The following ADCY5 variants were observed in gnomAD, a reference collection of about 807,000 sequenced individuals.
The protein encoded by ADCY5 is adenylate cyclase type 5.
In ADCY5, 30 loss-of-function variants were observed where a neutral mutation model predicts 119.7. The ratio of observed to expected loss-of-function variants is 0.25; its 90% CI spans 0.19 to 0.34. The LOEUF (loss-of-function observed/expected upper bound fraction) is 0.34, where lower values mean the gene tolerates loss of function less well. Among genes scored for constraint, ADCY5 ranks in the 10% least tolerant of loss-of-function variants. The pLI, the probability that ADCY5 is intolerant of heterozygous loss-of-function variation, is 1.00. For synonymous variants in ADCY5, 753 were observed against 762.2 expected (o/e 0.99, Z 0.20); for missense variants, 1,324 against 1,775.2 (o/e 0.75, Z 4.57).
chr3:123,445,290 C>T (rs1189861047), intron 1 of ADCY5, among the ~76,000 whole-genome samples: 1 of 152,134 alleles, frequency 6.6e-6, no homozygotes, highest in South Asian at 2.1e-4. Flanking sequence ...GTCAGTCAGA[C>T]AGACACTCTG....
chr3:123,411,588 T>C (rs935358536), intron 1 of ADCY5, among the ~76,000 whole-genome samples: 9 of 152,070 alleles, frequency 5.9e-5, no homozygotes, highest in South Asian at 2.1e-4. Context: ...CTGCCTCTTA[T>C]CCCCAACCCC....
chr3:123,349,948 C>A (rs1229907829), intron 2 of ADCY5, among the ~76,000 whole-genome samples: 1 of 152,360 alleles, frequency 6.6e-6, no homozygotes, highest in East Asian at 1.9e-4. Context: ...TCAGCCCACG[C>A]CCACAGCCTG....
At chr3:123,386,701 G>A (rs60088212) in intron 1 of ADCY5, among the ~76,000 whole-genome samples, 72,402 of 151,708 alleles carry the variant, frequency 0.48, 18,071 homozygotes, top group East Asian at 0.68. Context: ...GCAGTTTCAA[G>A]GACGTCCAGG....
chr3:123,396,727 G>GGAAGGAAGGA (rs1944587413), intron 1 of ADCY5, among the ~76,000 whole-genome samples: 9 of 45,602 alleles, frequency 2.0e-4, no homozygotes, highest in African/African-American at 6.5e-4. Flanking sequence ...AGAAGGGAGG[G>GGAAGGAAGGA]AGGAAGGAAG....
At chr3:123,418,549 T>A (rs991936887) in intron 1 of ADCY5, among the ~76,000 whole-genome samples, 1 of 152,098 alleles carries the variant, frequency 6.6e-6, no homozygotes. Context: ...GAACAAAACC[T>A]ATGGGCGCCC....
chr3:123,308,293 T>A (rs1192905604), intron 12 of ADCY5, among the ~76,000 whole-genome samples: 4 of 151,598 alleles, frequency 2.6e-5, no homozygotes, highest in Non-Finnish European at 4.4e-5. Flanking sequence ...CGCCTCAGCC[T>A]CCCAAAGTGC....
intron 1 of ADCY5, among the ~76,000 whole-genome samples, chr3:123,419,452 T>C (rs1226684213): frequency 6.6e-6 from 1 of 152,126 alleles, no homozygotes; most frequent in Non-Finnish European, 1.5e-5. Context: ...TTGCCAGACT[T>C]GCATCAGCCT....
chr3:123,322,733 T>C (rs780355525), intron 8 of ADCY5, among the ~76,000 whole-genome samples: 1 of 152,186 alleles, frequency 6.6e-6, no homozygotes, highest in African/African-American at 2.4e-5. Context: ...TGGCAACCTT[T>C]TTATTAATAA....
Position 123,447,636 on chromosome 3 carries a change from C to A in ADCY5, c.910G>T (p.Ala304Ser), listed in dbSNP as rs138488088. 2.5e-6 allele frequency: 4 copies of A among 1,608,850 alleles called. No individual in the cohort carries two copies. The highest frequency in any genetic ancestry group is 3.4e-6 in the Non-Finnish European group (4 of 1,178,404). ...ACGGCCAGCACCACGGCGATGAGCG[C>A]ATAGCAGGCCAGGCCCATGTGGTCC... ...HQDHMGLACY[A>S]LIAVVLAVQV... The change falls in exon 1 of 21, where the codon GCG becomes TCG. Residue 304 changes from alanine to serine, a missense_variant. Physicochemically the swap from Ala to Ser is moderately conservative, Grantham distance 99 (BLOSUM62 1). Transcript: ENST00000462833.
chr3:123,400,076 T>C (rs1458487419), intron 1 of ADCY5, among the ~76,000 whole-genome samples: 3 of 152,168 alleles, frequency 2.0e-5, no homozygotes, highest in Non-Finnish European at 4.4e-5. Flanking sequence ...AAGAATTGTC[T>C]CTGCAATAGG....
At chr3:123,393,804 G>T (rs1576659989) in intron 1 of ADCY5, among the ~76,000 whole-genome samples, 1 of 146,104 alleles carries the variant, frequency 6.8e-6, no homozygotes, top group African/African-American at 2.5e-5. Context: ...CGCCCCGGCT[G>T]CTGAGGACCC....
chr3:123,343,923 G>T (rs572867821), intron 3 of ADCY5, among the ~76,000 whole-genome samples: 1 of 152,200 alleles, frequency 6.6e-6, no homozygotes, highest in Non-Finnish European at 1.5e-5. Context: ...AGTGTCTCCG[G>T]GGTCTCCAGG....
rs1404797318 is a variant in ADCY5, at chr3:123,322,950, G to A, written c.2089-2179C>T. Among the ~76,000 whole-genome samples, 5 of 152,162 alleles carry A rather than the reference G, an allele frequency of 3.3e-5. No individual in the cohort carries two copies. The East Asian group carries it at 5.8e-4, about 18-fold the overall frequency. ...CTGTTTCTCATAAAACTCATCCAGC[G>A]TGGGCAGCTCAGGGTGAAAGCTCGC... On this transcript the variant is annotated intron_variant, in intron 8 of 20. Coordinates refer to ENST00000462833, the MANE Select transcript of ADCY5 (RefSeq NM_183357.3).
chr3:123,389,724 C>T (rs1421583513), intron 1 of ADCY5, among the ~76,000 whole-genome samples: 1 of 152,174 alleles, frequency 6.6e-6, no homozygotes, highest in African/African-American at 2.4e-5. Context: ...TCGCTGACCA[C>T]AGGGTCAGTC....
chr3:123,357,176 T>C (rs1183214930), intron 1 of ADCY5, among the ~76,000 whole-genome samples: 1 of 152,064 alleles, frequency 6.6e-6, no homozygotes, highest in Non-Finnish European at 1.5e-5. Context: ...CTGTATGCAT[T>C]TGTTACACCT....
At chr3:123,440,712 T>A (rs1453709435) in intron 1 of ADCY5, among the ~76,000 whole-genome samples, 1 of 152,136 alleles carries the variant, frequency 6.6e-6, no homozygotes, top group Non-Finnish European at 1.5e-5. Context: ...TAGGTTTTCA[T>A]ACCCACTCAC....
intron 12 of ADCY5, among the ~76,000 whole-genome samples, chr3:123,305,455 C>T (rs550622120): frequency 2.4e-4 from 37 of 152,288 alleles, no homozygotes; most frequent in Admixed American, 1.3e-3. Flanking sequence ...AAAAAAGTGT[C>T]GGGCCCTTGG....
intron 11 of ADCY5, among the ~76,000 whole-genome samples, chr3:123,317,726 C>T (rs1470694202): frequency 6.7e-6 from 1 of 148,726 alleles, no homozygotes; most frequent in Non-Finnish European, 1.5e-5. Context: ...CAGAGCGAGA[C>T]GCTGTGTCCC....
chr3:123,331,739 T>A (rs544521253), intron 4 of ADCY5, among the ~76,000 whole-genome samples: 27 of 150,554 alleles, frequency 1.8e-4, no homozygotes, highest in African/African-American at 6.5e-4. Context: ...GGGATTCAAG[T>A]GCCCTTGTGG....
Sources: gnomAD v4.1 joint callset for allele counts (sites outside exome capture counted in the v4.1 genomes callset) on GRCh38, gnomAD v4.1.1 for gene constraint, MANE v1.5 for transcripts, NCBI Gene and HGNC (gene_info 2026-07-23, HGNC 2026-07-21) for gene names.